The following DNM3 variants were observed in gnomAD, a reference collection of about 807,000 sequenced individuals.
DNM3 encodes dynamin-3.
DNM3 carries 47 observed loss-of-function variants against 101.6 expected under a neutral mutation model. The ratio of observed to expected loss-of-function variants is 0.46; its 90% CI spans 0.37 to 0.59. The LOEUF is 0.59. DNM3 is among the 20% of genes least tolerant of loss of function. The probability of loss-of-function intolerance (pLI) is 0.00; values close to 1 mark genes in which losing one functional copy is unlikely to be tolerated. For missense variants in DNM3, 849 were observed against 1,085.7 expected, an observed-to-expected ratio of 0.78 and a Z score of 3.06; for synonymous variants, 385 against 387.9, an observed-to-expected ratio of 0.99 and a Z score of 0.09.
intron 14 of DNM3, among the ~76,000 whole-genome samples, chr1:172,180,788 T>A (rs543097426): frequency 2.6e-5 from 4 of 152,086 alleles, no homozygotes; most frequent in Non-Finnish European, 5.9e-5. Context: ...TCTGGAACAC[T>A]CTCCTCTGTT....
intron 4 of DNM3, among the ~76,000 whole-genome samples, chr1:172,032,160 C>G (rs1366871871): frequency 2.6e-5 from 4 of 152,030 alleles, no homozygotes; most frequent in Non-Finnish European, 5.9e-5. Flanking sequence ...TATTTTTGTG[C>G]TATAGCTATT....
At chr1:172,232,373 C>T (rs1477549546) in intron 14 of DNM3, among the ~76,000 whole-genome samples, 1 of 152,098 alleles carries the variant, frequency 6.6e-6, no homozygotes, top group Non-Finnish European at 1.5e-5. Context: ...TACAGGAGCA[C>T]CCAGATTCAT....
chr1:172,195,194 A>T (rs2059903444), intron 14 of DNM3, among the ~76,000 whole-genome samples: 2 of 152,060 alleles, frequency 1.3e-5, no homozygotes, highest in South Asian at 4.1e-4. Context: ...AACCATATCA[A>T]TGATGTTGTA....
chr1:171,995,930 A>C (rs1193928761), intron 4 of DNM3, among the ~76,000 whole-genome samples: 1 of 152,142 alleles, frequency 6.6e-6, no homozygotes, highest in African/African-American at 2.4e-5. Flanking sequence ...CTTTTTGACA[A>C]TAGACAGGCA....
At chr1:171,980,416 A>G (rs1263350730) in intron 2 of DNM3, among the ~76,000 whole-genome samples, 2 of 152,172 alleles carry the variant, frequency 1.3e-5, no homozygotes, top group African/African-American at 4.8e-5. Context: ...TAGTCAGCAT[A>G]TCCATCACTT....
rs187726354 is a variant in DNM3, at chr1:172,315,165, C to T, written c.1881+6326C>T. On this transcript the variant is annotated intron_variant, in intron 16 of 20. Coordinates refer to ENST00000627582, the MANE Select transcript of DNM3 (RefSeq NM_015569.5). ...TGGACCTCTAGCAAAGTCCAACAGA[C>T]CTGCAGCTGAGGGTCCTGTCTGTTA... Among the ~76,000 whole-genome samples, 1,034 of 152,290 alleles carry T rather than the reference C, an allele frequency of 6.8e-3. 11 individuals are homozygous for T. The highest frequency in any genetic ancestry group is 7.2e-3 in the Non-Finnish European group (493 of 68,034).
At chr1:172,333,212 G>A (rs373788548) in intron 17 of DNM3, among the ~76,000 whole-genome samples, 6 of 152,080 alleles carry the variant, frequency 3.9e-5, no homozygotes, top group Admixed American at 1.3e-4. Flanking sequence ...TTGTTAATGC[G>A]TTCATGTATT....
chr1:172,268,274 T>TA (rs369755878), intron 15 of DNM3, among the ~76,000 whole-genome samples: 12,201 of 136,600 alleles, frequency 0.089, 594 homozygotes, highest in East Asian at 0.15. Flanking sequence ...AGCAAGTCAG[T>TA]AAAAAAAAAA....
chr1:172,304,223 C>CAAAAA, intron 15 of DNM3, among the ~76,000 whole-genome samples: 1 of 62,204 alleles, frequency 1.6e-5, no homozygotes, highest in African/African-American at 1.9e-4. Context: ...AAAAAAAAAA[C>CAAAAA]AGGAGTTGCA....
At chr1:171,914,618 G>T (rs753506956) in intron 1 of DNM3, among the ~76,000 whole-genome samples, 3 of 151,938 alleles carry the variant, frequency 2.0e-5, no homozygotes, top group Non-Finnish European at 4.4e-5. Context: ...AATATATTTG[G>T]GTCTTAAATG....
chr1:172,251,003 A>T (rs1458446973), intron 14 of DNM3, among the ~76,000 whole-genome samples: 2 of 152,152 alleles, frequency 1.3e-5, no homozygotes, highest in Admixed American at 6.6e-5. Context: ...ATAATCAATT[A>T]AAAAGTATTA....
intron 4 of DNM3, among the ~76,000 whole-genome samples, chr1:172,029,927 A>G (rs970242332): frequency 6.6e-6 from 1 of 152,204 alleles, no homozygotes; most frequent in Non-Finnish European, 1.5e-5. Flanking sequence ...AAATGGAAAA[A>G]CATTCCATGC....
At chr1:172,091,081 C>T (rs2147808712) in intron 12 of DNM3, among the ~76,000 whole-genome samples, 1 of 152,268 alleles carries the variant, frequency 6.6e-6, no homozygotes, top group South Asian at 2.1e-4. Context: ...AACGTGTGGG[C>T]TCTGTTGTTA....
intron 14 of DNM3, among the ~76,000 whole-genome samples, chr1:172,175,455 T>C (rs1339481320): frequency 1.3e-5 from 2 of 151,656 alleles, no homozygotes; most frequent in Non-Finnish European, 3.0e-5. Flanking sequence ...ATGGGAAAAA[T>C]AGAGAAAATG....
intron 9 of DNM3, among the ~76,000 whole-genome samples, chr1:172,046,728 A>G (rs2049841765): frequency 1.3e-5 from 2 of 152,180 alleles, no homozygotes; most frequent in East Asian, 3.9e-4. Context: ...TCCCTATTCT[A>G]TTTCTTCTCC....
At chr1:171,986,360 C>T (rs2045255982) in intron 2 of DNM3, among the ~76,000 whole-genome samples, 1 of 152,034 alleles carries the variant, frequency 6.6e-6, no homozygotes, top group Admixed American at 6.6e-5. Context: ...TAATGCTAAC[C>T]TGCTTGAAGA....
At chr1:172,187,663 G>C (rs1052081137) in intron 14 of DNM3, among the ~76,000 whole-genome samples, 8 of 151,986 alleles carry the variant, frequency 5.3e-5, no homozygotes, top group Non-Finnish European at 1.0e-4. Flanking sequence ...ATGGAGGTGG[G>C]GTTGCGTGGC....
At chr1:172,329,026 C>G (rs182001428) in intron 17 of DNM3, among the ~76,000 whole-genome samples, 233 of 150,532 alleles carry the variant, frequency 1.5e-3, no homozygotes, top group Non-Finnish European at 2.8e-3. Flanking sequence ...AAATTTAAAC[C>G]CTTACAGAGT....
At chr1:171,866,278 C>T (rs1325857179) in intron 1 of DNM3, among the ~76,000 whole-genome samples, 1 of 152,286 alleles carries the variant, frequency 6.6e-6, no homozygotes, top group East Asian at 1.9e-4. Context: ...AGAATCCTAA[C>T]TTCTTGGCAT....
Sources: gnomAD v4.1 joint callset for allele counts (sites outside exome capture counted in the v4.1 genomes callset) on GRCh38, gnomAD v4.1.1 for gene constraint, MANE v1.5 for transcripts, NCBI Gene and HGNC (gene_info 2026-07-23, HGNC 2026-07-21) for gene names.